RFC3: variants seen among roughly 807,000 people sequenced by gnomAD.
The protein encoded by RFC3 is replication factor C subunit 3.
RFC3 carries 41 observed loss-of-function variants against 45.1 expected under a neutral mutation model. The ratio of observed to expected loss-of-function variants is 0.91; its 90% CI spans 0.71 to 1.18. RFC3 has a LOEUF of 1.18. Ranked by LOEUF, RFC3 falls within the 50% of genes most tolerant of loss-of-function variation. The pLI is 0.00. For synonymous variants in RFC3, 149 were observed against 144.0 expected (o/e 1.03, Z -0.25); for missense variants, 423 against 428.1 (o/e 0.99, Z 0.10).
intron 8 of RFC3, among the ~76,000 whole-genome samples, chr13:33,946,339 G>T (rs1330232872): frequency 6.6e-6 from 1 of 152,080 alleles, no homozygotes; most frequent in Non-Finnish European, 1.5e-5. Context: ...GGATTACTGG[G>T]ATTGCTGTAT....
intron 8 of RFC3, among the ~76,000 whole-genome samples, chr13:33,835,727 T>C (rs2082147605): frequency 6.6e-6 from 1 of 152,196 alleles, no homozygotes. Flanking sequence ...AATGGATGAA[T>C]GGTTTTCTGT....
chr13:33,841,839 T>C (rs887399384), downstream of RFC3, among the ~76,000 whole-genome samples: 8 of 152,214 alleles, frequency 5.3e-5, no homozygotes, highest in African/African-American at 1.9e-4. Context: ...CTAGGGTCTC[T>C]ACTGCATGTC....
At chr13:33,976,125 A>C in the RFC3 span, among the ~76,000 whole-genome samples, 1 of 152,222 alleles carries the variant, frequency 6.6e-6, no homozygotes, top group African/African-American at 2.4e-5. Flanking sequence ...GAAGTAACTG[A>C]AAGGGTTCCC....
chr13:33,831,158 C>T (rs2082099369), intron 6 of RFC3, 98 bp from the exon 7 acceptor site: 1 of 747,960 alleles, frequency 1.3e-6, no homozygotes, highest in Non-Finnish European at 2.3e-6. Context: ...TGCTGTGCAG[C>T]CCGGTTCCTA....
At chr13:33,921,365 G>GA (rs1335896432) in intron 8 of RFC3, among the ~76,000 whole-genome samples, 2 of 152,174 alleles carry the variant, frequency 1.3e-5, no homozygotes, top group Non-Finnish European at 2.9e-5. Flanking sequence ...GGCTTTGAAG[G>GA]AGAGAACTGA....
chr13:33,961,782 T>C (rs2083058695), intron 8 of RFC3, among the ~76,000 whole-genome samples: 1 of 152,156 alleles, frequency 6.6e-6, no homozygotes, highest in African/African-American at 2.4e-5. Context: ...ACTGAGAACA[T>C]AGAGACCAGA....
intron 8 of RFC3, among the ~76,000 whole-genome samples, chr13:33,910,727 G>T (rs150848739): frequency 1.3e-5 from 2 of 152,086 alleles, no homozygotes; most frequent in African/African-American, 4.8e-5. Context: ...AAAGAAATAT[G>T]TGAGACTGGG....
At chr13:33,821,293 T>C in intron 2 of RFC3, 24 bp downstream of exon 2, 1 of 1,610,612 alleles carries the variant, frequency 6.2e-7, no homozygotes, top group Non-Finnish European at 8.5e-7. Flanking sequence ...TTTGAGGCCC[T>C]GAAAGTAATT....
chr13:33,948,758 A>ATGAC (rs1231948205), intron 8 of RFC3, among the ~76,000 whole-genome samples: 18 of 152,240 alleles, frequency 1.2e-4, no homozygotes, highest in Admixed American at 9.8e-4. Context: ...TTAAGGTTTA[A>ATGAC]TGACTACCCT....
intron 8 of RFC3, among the ~76,000 whole-genome samples, chr13:33,957,547 C>T (rs1434184728): frequency 6.6e-6 from 1 of 152,124 alleles, no homozygotes; most frequent in African/African-American, 2.4e-5. Flanking sequence ...AAATGGGCGA[C>T]ATTTGTTTTG....
In RFC3 at chr13:33,876,915, C is replaced by T. The variant is rs190059973; in HGVS notation, c.879+41698C>T. ...TTTCTGTTCAGATGATAAACCAGTGCGCTTTTCGCAAAAAAGCCTGGTGTC... is the reference window on the plus strand; with the variant it reads ...TTTCTGTTCAGATGATAAACCAGTGTGCTTTTCGCAAAAAAGCCTGGTGTC... On this transcript the variant is annotated intron_variant, in intron 8 of 8. Coordinates refer to the RFC3 transcript ENST00000434425. Among the ~76,000 whole-genome samples, 17 of 152,178 alleles carry T rather than the reference C, an allele frequency of 1.1e-4. No homozygotes were observed. In the East Asian group the frequency reaches 1.9e-3, roughly 17 times the overall value.
rs926664684 is a variant in RFC3 at position 33,951,039 on chromosome 13, C to CTTTTT, written c.880-15028_880-15024dup. 6.5e-3 allele frequency among the ~76,000 whole-genome samples: 394 copies of CTTTTT among 60,772 alleles called. 9 individuals are homozygous for CTTTTT. Among genetic ancestry groups the CTTTTT allele is most frequent in the East Asian group, 0.02 (32 of 1,616 alleles). The allele number at this position is 60,772 out of a possible 152,430, so 39.9% of individuals were successfully genotyped here. On this transcript the variant is annotated intron_variant, in intron 8 of 8. Coordinates refer to the RFC3 transcript ENST00000434425. ...ATGTCTCCAGCCCACTCTGATGGCT[C>CTTTTT]TTTTTTTTTTTTTTTTTTTTTTTTG... is the stretch of plus-strand genomic sequence containing the variant.
At chr13:33,872,880 G>T (rs2082421750) in intron 8 of RFC3, among the ~76,000 whole-genome samples, 1 of 145,660 alleles carries the variant, frequency 6.9e-6, no homozygotes, top group Non-Finnish European at 1.5e-5. Context: ...ATTGGTGATT[G>T]TTTCTCTCTG....
intron 8 of RFC3, among the ~76,000 whole-genome samples, chr13:33,861,487 G>T (rs149645365): frequency 0.014 from 2,099 of 151,972 alleles, 54 homozygotes; most frequent in African/African-American, 0.045. Context: ...AATTAGCCAG[G>T]CATGGTGAAT....
At chr13:33,847,884 A>G (rs1182453085) in intron 8 of RFC3, 1 of 152,142 alleles carries the variant, frequency 6.6e-6, no homozygotes, top group Non-Finnish European at 1.5e-5. Flanking sequence ...CCCTGAGACA[A>G]ATATTCTCTT....
chr13:33,925,466 AGTGT>A (rs2082802887), intron 8 of RFC3, among the ~76,000 whole-genome samples: 1 of 139,392 alleles, frequency 7.2e-6, no homozygotes, highest in East Asian at 2.1e-4. Context: ...ATACATACAT[AGTGT>A]ACTATATACA....
intron 8 of RFC3, among the ~76,000 whole-genome samples, chr13:33,870,807 T>G (rs932965966): frequency 1.3e-5 from 2 of 152,246 alleles, no homozygotes; most frequent in Admixed American, 6.5e-5. Context: ...ATCCCAGGAC[T>G]TATAAATGCA....
At chr13:33,925,684 T>A (rs1156321492) in intron 8 of RFC3, among the ~76,000 whole-genome samples, 1 of 142,274 alleles carries the variant, frequency 7.0e-6, no homozygotes, top group Non-Finnish European at 1.5e-5. Context: ...AGTGTGTATG[T>A]ATATATACAC....
At chr13:33,856,543 C>T (rs143708693) in intron 8 of RFC3, among the ~76,000 whole-genome samples, 2,938 of 152,228 alleles carry the variant, frequency 0.019, 44 homozygotes, top group South Asian at 0.048. Context: ...GCAAAATAAA[C>T]GTATTCCTGG....
Sources: gnomAD v4.1 joint callset for allele counts (sites outside exome capture counted in the v4.1 genomes callset) on GRCh38, gnomAD v4.1.1 for gene constraint, MANE v1.5 for transcripts, NCBI Gene and HGNC (gene_info 2026-07-23, HGNC 2026-07-21) for gene names.